Variants in SLC6A5 observed in about 807,000 individuals in gnomAD.
SLC6A5 encodes the protein solute carrier family 6 member 5.
SLC6A5 carries 58 observed loss-of-function variants against 90.5 expected under a neutral mutation model. The observed-to-expected ratio is 0.64, with a 90% CI of 0.52 to 0.80. SLC6A5 has a LOEUF of 0.80. SLC6A5 is among the 30% of genes least tolerant of loss of function. SLC6A5 has a pLI of 0.00. For synonymous variants in SLC6A5, 427 were observed against 401.4 expected, an observed-to-expected ratio of 1.06 and a Z score of -0.76; for missense variants, 1,015 against 1,017.6, an observed-to-expected ratio of 1.00 and a Z score of 0.03.
chr11:20,599,795 C>G, intron 1 of SLC6A5, 120 bp downstream of exon 1: 1 of 1,157,786 alleles, frequency 8.6e-7, no homozygotes, highest in Non-Finnish European at 1.3e-6. Context: ...AAGGGGGCGA[C>G]GAGGAGAACA....
rs79071855 is a variant in SLC6A5, at chr11:20,612,247, A to G, written c.986-2432A>G. ...AGAGATACTCTCTCCAGAAAAAGCT[A>G]TAACAATGATGATTGAGTTATGGCT... On this transcript the variant is annotated intron_variant, in intron 5 of 15. Coordinates refer to ENST00000525748, the MANE Select transcript of SLC6A5 (RefSeq NM_004211.5). Among the ~76,000 whole-genome samples the G allele has an allele frequency of 0.027, 4,067 of 152,316 alleles. 433 individuals carry two copies. The East Asian group carries it at 0.35, about 13-fold the overall frequency.
At chr11:20,617,498 T>C (rs1852803819) in intron 6 of SLC6A5, among the ~76,000 whole-genome samples, 1 of 152,202 alleles carries the variant, frequency 6.6e-6, no homozygotes, top group Non-Finnish European at 1.5e-5. Flanking sequence ...CCCAGGGCCA[T>C]GAGCAGCCTC....
At chr11:20,603,179 T>G (rs1233482981) in intron 2 of SLC6A5, among the ~76,000 whole-genome samples, 1 of 152,210 alleles carries the variant, frequency 6.6e-6, no homozygotes, top group Admixed American at 6.5e-5. Flanking sequence ...TAGAAAAGTA[T>G]GAGACCTAGC....
intron 3 of SLC6A5, among the ~76,000 whole-genome samples, chr11:20,606,768 G>A (rs983786368): frequency 6.6e-6 from 1 of 152,222 alleles, no homozygotes; most frequent in Non-Finnish European, 1.5e-5. Flanking sequence ...CCATCTGCCA[G>A]TGGAGAGTTG....
rs760022075 is a variant in SLC6A5, at chr11:20,614,829, AC to A, written c.1127+10del. ...AGTGAAGAGTACTTCAAGTAAGATG[AC>A]TTTCTTTTTCCTTTTTTACCTTCTA... On this transcript the variant is annotated intron_variant, in intron 6 of 15. Transcript: ENST00000525748. The A allele has an allele frequency of 6.2e-7, 1 of 1,611,448 alleles. No homozygotes were observed. Among genetic ancestry groups the A allele is most frequent in the South Asian group, 1.1e-5 (1 of 91,032 alleles).
At chr11:20,626,559 C>T in intron 7 of SLC6A5, 149 bp from the exon 8 acceptor site, 1 of 816,314 alleles carries the variant, frequency 1.2e-6, no homozygotes, top group Non-Finnish European at 2.0e-6. Flanking sequence ...GCCTTCCCTG[C>T]TTCCCCAGCC....
At chr11:20,621,884 C>T (rs115985059) in intron 7 of SLC6A5, among the ~76,000 whole-genome samples, 198 of 152,300 alleles carry the variant, frequency 1.3e-3, no homozygotes, top group African/African-American at 4.1e-3. Flanking sequence ...TCCAGAGGCA[C>T]GGGCGACCAG....
rs543182966 is a variant in SLC6A5 at position 20,642,578 on chromosome 11, A to G, written c.1969+4020A>G. 3.0e-3 allele frequency among the ~76,000 whole-genome samples: 450 copies of G among 152,222 alleles called. 3 individuals are homozygous for G. The highest frequency in any genetic ancestry group is 0.011 in the African/African-American group (437 of 41,550). ...CTTACCCCTCCAGGCTTGAGGTCATACAGCAGGCAAGTCCCTCTTGCCCAT... is the reference window on the plus strand; with the variant it reads ...CTTACCCCTCCAGGCTTGAGGTCATGCAGCAGGCAAGTCCCTCTTGCCCAT... On this transcript the variant is annotated intron_variant, in intron 13 of 15. Coordinates refer to ENST00000525748, the MANE Select transcript of SLC6A5 (RefSeq NM_004211.5).
At chr11:20,643,618 A>C (rs1853355294) in intron 13 of SLC6A5, among the ~76,000 whole-genome samples, 1 of 152,092 alleles carries the variant, frequency 6.6e-6, no homozygotes, top group South Asian at 2.1e-4. Flanking sequence ...CTGGGGATCA[A>C]CTCTTGGACC....
chr11:20,606,861 C>G lies in SLC6A5; in HGVS notation c.680-146C>G, dbSNP rs72927519. The G allele has an allele frequency of 0.24, 222,129 of 925,880 alleles. 29,733 individuals are homozygous for G. The highest frequency in any genetic ancestry group is 0.28 in the Non-Finnish European group (162,670 of 590,332). The allele number at this position is 925,880 out of a possible 1,614,324, so 57.4% of individuals were successfully genotyped here. ...TATCTGTGGGTGACTGTTGCTGAAACAGGACATCAAAGGGCTTCTTCAGGA... is the reference window on the plus strand; with the variant it reads ...TATCTGTGGGTGACTGTTGCTGAAAGAGGACATCAAAGGGCTTCTTCAGGA... On this transcript the variant is annotated intron_variant, in intron 3 of 15. Coordinates refer to ENST00000525748, the MANE Select transcript of SLC6A5 (RefSeq NM_004211.5).
intron 3 of SLC6A5, among the ~76,000 whole-genome samples, chr11:20,604,754 A>T (rs1852546142): frequency 6.6e-6 from 1 of 151,952 alleles, no homozygotes; most frequent in Admixed American, 6.5e-5. Flanking sequence ...GAGCGGCGGC[A>T]CTCCGGGCAT....
At chr11:20,624,397 C>T (rs1163732729) in intron 7 of SLC6A5, among the ~76,000 whole-genome samples, 1 of 152,082 alleles carries the variant, frequency 6.6e-6, no homozygotes, top group East Asian at 1.9e-4. Flanking sequence ...AAGTGATCCG[C>T]CTGCCTCAGC....
intron 5 of SLC6A5, among the ~76,000 whole-genome samples, chr11:20,608,304 T>C (rs571776172): frequency 6.6e-6 from 1 of 152,124 alleles, no homozygotes; most frequent in African/African-American, 2.4e-5. Context: ...GTGAAATAGA[T>C]TGGGACTTGA....
At chr11:20,650,095 C>T (rs1459250491) in intron 14 of SLC6A5, among the ~76,000 whole-genome samples, 2 of 152,158 alleles carry the variant, frequency 1.3e-5, no homozygotes, top group Admixed American at 1.3e-4. Flanking sequence ...ATTATCTTTC[C>T]TGGCAAAATT....
intron 3 of SLC6A5, among the ~76,000 whole-genome samples, chr11:20,605,635 G>C (rs985734858): frequency 6.6e-6 from 1 of 152,224 alleles, no homozygotes; most frequent in African/African-American, 2.4e-5. Flanking sequence ...TAGTGGATGG[G>C]GAGGGAGTTC....
chr11:20,641,059 C>T (rs562426008), intron 13 of SLC6A5, among the ~76,000 whole-genome samples: 1 of 152,300 alleles, frequency 6.6e-6, no homozygotes, highest in African/African-American at 2.4e-5. Flanking sequence ...GCCTCAATGG[C>T]CAATAGCTGG....
chr11:20,627,976 T>C lies in SLC6A5; in HGVS notation c.1396-4T>C. 1 of 1,612,464 alleles carries C rather than the reference T, an allele frequency of 6.2e-7. No individual in the cohort carries two copies. The highest frequency in any genetic ancestry group is 8.5e-7 in the Non-Finnish European group (1 of 1,178,548). ...CTTGAATCTCTTTCCCTTTTGCCTCTCAGGTGTGGAAAGATGCTGCCACTC... is the reference window on the plus strand; with the variant it reads ...CTTGAATCTCTTTCCCTTTTGCCTCCCAGGTGTGGAAAGATGCTGCCACTC... On this transcript the variant is annotated splice_region_variant and splice_polypyrimidine_tract_variant and intron_variant, in intron 8 of 15. Coordinates refer to ENST00000525748, the MANE Select transcript of SLC6A5 (RefSeq NM_004211.5).
chr11:20,646,703 T>A, intron 13 of SLC6A5, 131 bp from the exon 14 acceptor site: 1 of 713,946 alleles, frequency 1.4e-6, no homozygotes, highest in East Asian at 2.7e-5. Context: ...ATAATAGAGG[T>A]CATGTTGATA....
chr11:20,623,307 T>A (rs1048452921), intron 7 of SLC6A5, among the ~76,000 whole-genome samples: 6 of 152,154 alleles, frequency 3.9e-5, no homozygotes, highest in African/African-American at 1.4e-4. Flanking sequence ...CCCATTTCAG[T>A]TCATGGCAAC....
Sources: gnomAD v4.1 joint callset for allele counts (sites outside exome capture counted in the v4.1 genomes callset) on GRCh38, gnomAD v4.1.1 for gene constraint, MANE v1.5 for transcripts, NCBI Gene and HGNC (gene_info 2026-07-23, HGNC 2026-07-21) for gene names.